Variants in ZNF365 observed in about 807,000 individuals in gnomAD.
ZNF365 encodes the protein zinc finger protein 365, also known as protein ZNF365.
A neutral mutation model predicts 35.0 loss-of-function variants in ZNF365; 22 were observed. That is an observed-to-expected ratio of 0.63 (90% confidence interval 0.45 to 0.90). The LOEUF is 0.90. Among genes scored for constraint, ZNF365 ranks in the 40% least tolerant of loss-of-function variants. The pLI, the probability that ZNF365 is intolerant of heterozygous loss-of-function variation, is 0.00. For synonymous variants in ZNF365, 188 were observed against 196.2 expected, an observed-to-expected ratio of 0.96 and a Z score of 0.35; for missense variants, 448 against 500.3, an observed-to-expected ratio of 0.90 and a Z score of 1.00.
At chr10:62,419,296 T>A (rs2132446272) in intron 3 of ZNF365, among the ~76,000 whole-genome samples, 1 of 152,210 alleles carries the variant, frequency 6.6e-6, no homozygotes, top group Admixed American at 6.5e-5. Flanking sequence ...ACTTAACTTC[T>A]CTGAGCTTCC....
At chr10:62,404,030 G>A (rs1183487332), downstream of ZNF365, among the ~76,000 whole-genome samples, 1 of 152,088 alleles carries the variant, frequency 6.6e-6, no homozygotes. Context: ...CATGTTCTGG[G>A]TCAGAACACA....
chr10:62,466,673 G>A, intron 4 of ZNF365, among the ~76,000 whole-genome samples: 1 of 151,914 alleles, frequency 6.6e-6, no homozygotes, highest in Non-Finnish European at 1.5e-5. Context: ...TCTAGCCTTT[G>A]TATTGCACTC....
intron 4 of ZNF365, among the ~76,000 whole-genome samples, chr10:62,470,892 T>C (rs1841022534): frequency 6.6e-6 from 1 of 152,180 alleles, no homozygotes. Context: ...CCTGGTTTAT[T>C]CTTTGGCTTT....
At chr10:62,402,528 G>A (rs1349234955), downstream of ZNF365, 1 of 883,988 alleles carries the variant, frequency 1.1e-6, no homozygotes, top group East Asian at 1.2e-4. Context: ...AAACAAAATG[G>A]TCCTTCCTGA....
chr10:62,457,231 G>A (rs1000811675), intron 3 of ZNF365, among the ~76,000 whole-genome samples: 8 of 152,214 alleles, frequency 5.3e-5, no homozygotes, highest in Non-Finnish European at 1.0e-4. Flanking sequence ...ATTAGCCAAA[G>A]AAAGTCACAT....
In ZNF365 at chr10:62,400,576, T is replaced by G; in HGVS notation, c.*787T>G. 1.1e-5 allele frequency: 11 copies of G among 985,984 alleles called. No homozygotes were observed. Among genetic ancestry groups the G allele is most frequent in the Non-Finnish European group, 9.6e-6 (8 of 829,948 alleles). The allele number at this position is 985,984 out of a possible 1,614,324, so 61.1% of individuals were successfully genotyped here. A position where few individuals can be genotyped will look rare whatever the true frequency, so the allele number is the denominator to read the frequency against. ...TGGGGAGCGAAGTAAAATCCTCTTTTGATTAGCACCCAGCATGGGCTGGGT... is the reference window on the plus strand; with the variant it reads ...TGGGGAGCGAAGTAAAATCCTCTTTGGATTAGCACCCAGCATGGGCTGGGT... On this transcript the variant is annotated 3_prime_UTR_variant, in exon 5 of 5. Transcript: ENST00000395254.
chr10:62,453,676 G>T (rs140112353), intron 3 of ZNF365, among the ~76,000 whole-genome samples: 1 of 152,060 alleles, frequency 6.6e-6, no homozygotes, highest in Non-Finnish European at 1.5e-5. Context: ...GGATCAAATG[G>T]TAGTTCTATT....
At chr10:62,454,697 T>G (rs1030676903) in intron 3 of ZNF365, among the ~76,000 whole-genome samples, 7 of 152,156 alleles carry the variant, frequency 4.6e-5, no homozygotes, top group Non-Finnish European at 1.0e-4. Context: ...TTTACTATCT[T>G]AATTAAAACA....
chr10:62,427,112 GT>G (rs1051538665), intron 3 of ZNF365, among the ~76,000 whole-genome samples: 5 of 152,198 alleles, frequency 3.3e-5, no homozygotes, highest in Non-Finnish European at 7.3e-5. Context: ...TTACTCACAT[GT>G]TTGTGGTGAT....
intron 1 of ZNF365, 64 bp from the exon 2 acceptor site, chr10:62,376,117 C>A: frequency 6.6e-7 from 1 of 1,522,950 alleles, no homozygotes; most frequent in Non-Finnish European, 8.9e-7. Flanking sequence ...TGGAGATGAG[C>A]AGCAATCATT....
intron 3 of ZNF365, among the ~76,000 whole-genome samples, chr10:62,458,714 G>A (rs1167261114): frequency 6.6e-6 from 1 of 152,112 alleles, no homozygotes; most frequent in Admixed American, 6.5e-5. Context: ...AATAATATTA[G>A]CTGAGTTTTT....
At chr10:62,468,075 G>A (rs1840973480) in intron 4 of ZNF365, among the ~76,000 whole-genome samples, 1 of 152,110 alleles carries the variant, frequency 6.6e-6, no homozygotes, top group Non-Finnish European at 1.5e-5. Flanking sequence ...AGAAATTCAG[G>A]TAATGTACCT....
intron 3 of ZNF365, among the ~76,000 whole-genome samples, chr10:62,420,480 A>T (rs571359133): frequency 6.6e-6 from 1 of 152,272 alleles, no homozygotes; most frequent in East Asian, 1.9e-4. Flanking sequence ...TGCATGTAGG[A>T]TTTTCTCTGT....
intron 4 of ZNF365, among the ~76,000 whole-genome samples, chr10:62,479,200 G>A (rs41516549): frequency 0.027 from 4,130 of 152,242 alleles, 157 homozygotes; most frequent in African/African-American, 0.088. Flanking sequence ...CTTGCCATGA[G>A]GCTGAATTTT....
chr10:62,457,983 C>T (rs929633905), intron 3 of ZNF365, among the ~76,000 whole-genome samples: 4 of 152,224 alleles, frequency 2.6e-5, no homozygotes, highest in Non-Finnish European at 4.4e-5. Flanking sequence ...CCTTAGCTCT[C>T]CCAGGGAGAC....
chr10:62,427,531 G>T lies in ZNF365; in HGVS notation c.925-32210G>T, dbSNP rs140915302. Among the ~76,000 whole-genome samples, 234 of 152,252 alleles carry T rather than the reference G, an allele frequency of 1.5e-3. 1 individual carries two copies. The highest frequency in any genetic ancestry group is 6.0e-4 in the Non-Finnish European group (41 of 68,026). ...ATGTATCCCTGTTGTTTAAGGATGC[G>T]TGACTTACACAGAAAAGGAAAAATA... is the stretch of plus-strand genomic sequence containing the variant. On this transcript the variant is annotated intron_variant, in intron 3 of 4. Coordinates refer to the ZNF365 transcript ENST00000395255.
Position 62,376,897 on chromosome 10 carries a change from G to A in ZNF365, c.704G>A (p.Arg235His), listed in dbSNP as rs139132215. The change falls in exon 2 of 5, where the codon CGC becomes CAC. Residue 235 changes from arginine to histidine, a missense_variant. Physicochemically the swap from Arg to His is conservative, Grantham distance 29. Coordinates refer to ENST00000395254, the MANE Select transcript of ZNF365 (RefSeq NM_014951.3). The part of the protein sequence containing the change: ...AVEMIAVLRQ[R>H]LTESEEELLR... ...GAAATGATAGCTGTACTGAGGCAAC[G>A]CCTGACGGAATCTGAGGAGGAGCTT... 2.9e-4 allele frequency: 465 copies of A among 1,613,736 alleles called. 1 individual carries two copies. The highest frequency in any genetic ancestry group is 3.8e-4 in the Non-Finnish European group (443 of 1,179,854).
At chr10:62,461,758 A>G (rs1840851037) in intron 4 of ZNF365, among the ~76,000 whole-genome samples, 1 of 152,246 alleles carries the variant, frequency 6.6e-6, no homozygotes, top group Admixed American at 6.5e-5. Flanking sequence ...TAATAAATTC[A>G]TACATAGTGA....
chr10:62,470,261 C>T (rs577057350), intron 4 of ZNF365, among the ~76,000 whole-genome samples: 2 of 152,280 alleles, frequency 1.3e-5, no homozygotes, highest in East Asian at 3.9e-4. Flanking sequence ...GCAACTGAGG[C>T]CCCATTCCAT....
Sources: gnomAD v4.1 joint callset for allele counts (sites outside exome capture counted in the v4.1 genomes callset) on GRCh38, gnomAD v4.1.1 for gene constraint, MANE v1.5 for transcripts, NCBI Gene and HGNC (gene_info 2026-07-23, HGNC 2026-07-21) for gene names.